Variants in SPRED2 observed in about 807,000 individuals in gnomAD.
The protein encoded by SPRED2 is sprouty-related, EVH1 domain-containing protein 2.
SPRED2 carries 47 observed loss-of-function variants against 43.0 expected under a neutral mutation model. The observed-to-expected ratio is 1.09, with a 90% CI of 0.87 to 1.40. The LOEUF (loss-of-function observed/expected upper bound fraction) is 1.40. Among genes scored for constraint, SPRED2 ranks in the 40% most tolerant of loss-of-function variants. The pLI, the probability that SPRED2 is intolerant of heterozygous loss-of-function variation, is 0.00. For synonymous variants in SPRED2, 225 were observed against 225.7 expected, an observed-to-expected ratio of 1.00 and a Z score of 0.03; for missense variants, 561 against 586.4, an observed-to-expected ratio of 0.96 and a Z score of 0.45.
chr2:65,384,299 A>G (rs1476902252), intron 1 of SPRED2, among the ~76,000 whole-genome samples: 1 of 151,274 alleles, frequency 6.6e-6, no homozygotes, highest in Non-Finnish European at 1.5e-5. Context: ...CTGTCAGCAT[A>G]CTTTCCATGG....
At chr2:65,330,166 A>G (rs907842803) in intron 4 of SPRED2, among the ~76,000 whole-genome samples, 1 of 152,228 alleles carries the variant, frequency 6.6e-6, no homozygotes, top group African/African-American at 2.4e-5. Context: ...CATTTCTGCA[A>G]ACCATCTTGT....
At chr2:65,345,036 A>G (rs1323207247) in intron 1 of SPRED2, 140 bp from the exon 2 acceptor site, 12 of 738,740 alleles carry the variant, frequency 1.6e-5, no homozygotes, top group Non-Finnish European at 2.3e-5. Context: ...CAACCTTAAA[A>G]AGTGGTCCAT....
rs541440369 is a variant in SPRED2 at position 65,421,891 on chromosome 2, G to C, written c.26+10071C>G. Among the ~76,000 whole-genome samples, 3 of 152,288 alleles carry C rather than the reference G, an allele frequency of 2.0e-5. No individual in the cohort carries two copies. The South Asian group carries it at 6.2e-4, about 32-fold the overall frequency. On this transcript the variant is annotated intron_variant, in intron 1 of 5. Coordinates refer to ENST00000356388, the MANE Select transcript of SPRED2 (RefSeq NM_181784.3). ...GCCCTGTGAGGTTGTAACACAGACT[G>C]TTGTTCTACAGATGTTAAGATTTGA...
intron 1 of SPRED2, among the ~76,000 whole-genome samples, chr2:65,376,228 G>A (rs1236876990): frequency 3.5e-4 from 53 of 152,192 alleles, no homozygotes; most frequent in Non-Finnish European, 5.9e-5. Context: ...AAGGGGAAAC[G>A]CCCATGGGCT....
At chr2:65,417,296 C>A (rs1212663671) in intron 1 of SPRED2, among the ~76,000 whole-genome samples, 3 of 152,166 alleles carry the variant, frequency 2.0e-5, no homozygotes, top group Non-Finnish European at 4.4e-5. Context: ...AACCTTGGAA[C>A]TTCACATGTA....
intron 5 of SPRED2, 117 bp downstream of exon 5, chr2:65,316,617 G>C (rs1673240683): frequency 8.0e-7 from 1 of 1,249,660 alleles, no homozygotes; most frequent in South Asian, 1.5e-5. Context: ...TGGGGGTAAA[G>C]GCAGGAGCAG....
intron 1 of SPRED2, among the ~76,000 whole-genome samples, chr2:65,402,387 A>T (rs1453128618): frequency 6.6e-6 from 1 of 152,022 alleles, no homozygotes; most frequent in East Asian, 1.9e-4. Context: ...AAGGCCGGGT[A>T]AGCGGGCTGC....
intron 1 of SPRED2, among the ~76,000 whole-genome samples, chr2:65,407,183 T>G (rs974113498): frequency 6.7e-6 from 1 of 150,366 alleles, no homozygotes; most frequent in Non-Finnish European, 1.5e-5. Flanking sequence ...CGCCTTGGCC[T>G]CCCAAAGTGC....
chr2:65,405,784 G>A (rs572467613), intron 1 of SPRED2, among the ~76,000 whole-genome samples: 55 of 152,232 alleles, frequency 3.6e-4, no homozygotes, highest in African/African-American at 1.2e-3. Context: ...AATTTAAGCA[G>A]CTACATCTGA....
At chr2:65,369,966 A>G (rs538676484) in intron 1 of SPRED2, among the ~76,000 whole-genome samples, 2 of 152,386 alleles carry the variant, frequency 1.3e-5, no homozygotes, top group African/African-American at 4.8e-5. Context: ...AAGCAAAACT[A>G]GCTGTAACTA....
At chr2:65,387,312 T>C (rs1232874481) in intron 1 of SPRED2, among the ~76,000 whole-genome samples, 5 of 152,198 alleles carry the variant, frequency 3.3e-5, no homozygotes. Context: ...AATACAGTCA[T>C]TGCTCTCTAG....
chr2:65,421,920 C>G (rs976674293), intron 1 of SPRED2, among the ~76,000 whole-genome samples: 1 of 152,164 alleles, frequency 6.6e-6, no homozygotes, highest in Non-Finnish European at 1.5e-5. Context: ...GATTTGAAGT[C>G]AAAGGACCTG....
chr2:65,377,003 C>A (rs150932861), intron 1 of SPRED2, among the ~76,000 whole-genome samples: 2,831 of 152,290 alleles, frequency 0.019, 45 homozygotes, highest in Middle Eastern at 0.037. Context: ...CGTGAGCCAC[C>A]ATGCCTGGCC....
intron 1 of SPRED2, among the ~76,000 whole-genome samples, chr2:65,408,121 A>G (rs1321245302): frequency 6.6e-6 from 1 of 152,200 alleles, no homozygotes; most frequent in Non-Finnish European, 1.5e-5. Context: ...AGATCTTATC[A>G]GAGGAGCAAG....
chr2:65,399,291 A>G (rs1422937684), intron 1 of SPRED2, among the ~76,000 whole-genome samples: 1 of 151,388 alleles, frequency 6.6e-6, no homozygotes, highest in Non-Finnish European at 1.5e-5. Context: ...AAAGGTGTAT[A>G]TATATACACC....
chr2:65,431,954 A>T lies in SPRED2; in HGVS notation c.26+8T>A. 1 of 1,613,164 alleles carries T rather than the reference A, an allele frequency of 6.2e-7. No homozygotes were observed. The highest frequency in any genetic ancestry group is 8.5e-7 in the Non-Finnish European group (1 of 1,179,632). ...GGCACCCTCGTCCCACCCCGCGACC[A>T]AACTTACTCGTCTGGGTGTGTTTCT... On this transcript the variant is annotated splice_region_variant and intron_variant, in intron 1 of 5. Transcript: ENST00000356388.
intron 1 of SPRED2, among the ~76,000 whole-genome samples, chr2:65,396,266 C>T (rs1177700916): frequency 6.6e-6 from 1 of 152,196 alleles, no homozygotes; most frequent in Non-Finnish European, 1.5e-5. Flanking sequence ...CCTCTCTGCA[C>T]AGATAAACCT....
chr2:65,398,393 A>G (rs1027644908), intron 1 of SPRED2, among the ~76,000 whole-genome samples: 14 of 152,174 alleles, frequency 9.2e-5, no homozygotes, highest in Non-Finnish European at 2.1e-4. Context: ...TGGGACTTAA[A>G]CTTAAAAAGC....
downstream of SPRED2, among the ~76,000 whole-genome samples, chr2:65,307,252 G>T (rs1336861978): frequency 6.6e-6 from 1 of 152,156 alleles, no homozygotes; most frequent in Non-Finnish European, 1.5e-5. Context: ...CTGGAGTGCA[G>T]TGGCTTGATC....
Sources: allele counts gnomAD v4.1 joint callset (sites outside exome capture counted in the v4.1 genomes callset), GRCh38; gene constraint gnomAD v4.1.1; transcripts MANE v1.5; gene names NCBI Gene and HGNC (gene_info 2026-07-23, HGNC 2026-07-21).